ACTN2: variants seen among roughly 807,000 people sequenced by gnomAD.
ACTN2 encodes actinin alpha 2, also known as alpha-actinin-2.
Under a neutral mutation model 113.8 loss-of-function variants are expected in ACTN2, and 39 were observed. The observed-to-expected ratio is 0.34, with a 90% CI of 0.27 to 0.45. The LOEUF is 0.45. ACTN2 is among the 20% of genes least tolerant of loss of function. The pLI is 1.00. For synonymous variants in ACTN2, 429 were observed against 444.1 expected (o/e 0.97, Z 0.43); for missense variants, 992 against 1,177.9 (o/e 0.84, Z 2.31).
chr1:236,759,585 T>C, intron 18 of ACTN2, 139 bp from the exon 19 acceptor site: 1 of 733,994 alleles, frequency 1.4e-6, no homozygotes, highest in Non-Finnish European at 2.5e-6. Flanking sequence ...GCTCCATCCT[T>C]CTCGCAAGTC....
intron 2 of ACTN2, 140 bp from the exon 3 acceptor site, chr1:236,718,754 A>T: frequency 8.3e-7 from 1 of 1,201,780 alleles, no homozygotes; most frequent in Non-Finnish European, 1.2e-6. Flanking sequence ...GCTGTGATTT[A>T]GAGAGACCAG....
chr1:236,737,823 C>T (rs1658937157), intron 9 of ACTN2, among the ~76,000 whole-genome samples: 1 of 152,150 alleles, frequency 6.6e-6, no homozygotes, highest in Non-Finnish European at 1.5e-5. Context: ...GGTTGTTTTT[C>T]TTTTCGTTCT....
At chr1:236,749,704 G>T (rs1659339692) in intron 14 of ACTN2, among the ~76,000 whole-genome samples, 1 of 152,154 alleles carries the variant, frequency 6.6e-6, no homozygotes. Context: ...GGAAGGCTGA[G>T]GTGGGAGGAT....
chr1:236,696,576 A>G (rs1043185410), intron 1 of ACTN2, among the ~76,000 whole-genome samples: 1 of 152,126 alleles, frequency 6.6e-6, no homozygotes, highest in Non-Finnish European at 1.5e-5. Context: ...AGATAGAACG[A>G]TATGAAATAC....
At chr1:236,709,220 G>GTGTATATATA (rs1275373436) in intron 1 of ACTN2, among the ~76,000 whole-genome samples, 18 of 66,844 alleles carry the variant, frequency 2.7e-4, no homozygotes, top group African/African-American at 1.1e-3. Context: ...ACAAATGACT[G>GTGTATATATA]TATATATATA....
intron 13 of ACTN2, among the ~76,000 whole-genome samples, chr1:236,748,820 A>G (rs1659309528): frequency 6.6e-6 from 1 of 152,220 alleles, no homozygotes; most frequent in Non-Finnish European, 1.5e-5. Flanking sequence ...AGCTGAAAGC[A>G]AGTTACAGTA....
At chr1:236,755,696 C>A (rs1437957625) in intron 17 of ACTN2, among the ~76,000 whole-genome samples, 1 of 141,862 alleles carries the variant, frequency 7.0e-6, no homozygotes, top group Non-Finnish European at 1.5e-5. Flanking sequence ...CTGCAGAGGG[C>A]CCGCTGCCAC....
At chr1:236,753,855 A>ACCCCCC in intron 15 of ACTN2, 92 bp from the exon 16 acceptor site, 5 of 492,256 alleles carry the variant, frequency 1.0e-5, no homozygotes, top group East Asian at 8.2e-5. Flanking sequence ...CTCCACTCCC[A>ACCCCCC]CCCCCACCCC....
chr1:236,748,874 G>A (rs1240302735), intron 13 of ACTN2, among the ~76,000 whole-genome samples: 4 of 152,164 alleles, frequency 2.6e-5, no homozygotes, highest in African/African-American at 9.7e-5. Flanking sequence ...AGCATGTAGT[G>A]AAGTACTTTA....
chr1:236,718,071 G>A, intron 2 of ACTN2, 99 bp downstream of exon 2: 1 of 937,020 alleles, frequency 1.1e-6, no homozygotes, highest in Non-Finnish European at 1.7e-6. Context: ...GAACTTGGCT[G>A]GGCAAGAACA....
At chr1:236,719,093 T>C in intron 3 of ACTN2, 80 bp downstream of exon 3, 1 of 1,590,194 alleles carries the variant, frequency 6.3e-7, no homozygotes, top group Non-Finnish European at 8.6e-7. Flanking sequence ...ATTCTCCCCT[T>C]CTTCCCTCCC....
chr1:236,751,821 C>T (rs768953889), intron 15 of ACTN2, among the ~76,000 whole-genome samples, 169 bp downstream of exon 15: 19 of 152,054 alleles, frequency 1.2e-4, no homozygotes, highest in Non-Finnish European at 2.1e-4. Context: ...TCTTAAGGAC[C>T]CTTCAGCAGC....
intron 1 of ACTN2, among the ~76,000 whole-genome samples, chr1:236,701,848 A>G (rs1021486592): frequency 2.6e-5 from 4 of 152,222 alleles, no homozygotes; most frequent in Non-Finnish European, 5.9e-5. Flanking sequence ...TTACTGTGTG[A>G]TAAATCATGT....
At chr1:236,709,278 A>G (rs1657940153) in intron 1 of ACTN2, among the ~76,000 whole-genome samples, 1 of 137,668 alleles carries the variant, frequency 7.3e-6, no homozygotes, top group South Asian at 2.3e-4. Context: ...ACACATATAT[A>G]TGTATATATA....
chr1:236,749,891 T>C (rs1169958429), intron 14 of ACTN2, among the ~76,000 whole-genome samples: 1 of 152,180 alleles, frequency 6.6e-6, no homozygotes, highest in East Asian at 1.9e-4. Context: ...GAGTTATTCA[T>C]GAAAAAGTTG....
chr1:236,739,722 C>CTGCCACT (rs1300996987), intron 10 of ACTN2, among the ~76,000 whole-genome samples, 190 bp downstream of exon 10: 1 of 152,240 alleles, frequency 6.6e-6, no homozygotes, highest in Non-Finnish European at 1.5e-5. Flanking sequence ...TTGAATCCAG[C>CTGCCACT]TGCCACTGGG....
Position 236,762,489 on chromosome 1 carries a change from G to A in ACTN2, c.2555G>A (p.Arg852Gln), listed in dbSNP as rs727502888. The A allele has an allele frequency of 4.2e-5, 68 of 1,613,986 alleles. No individual in the cohort carries two copies. The highest frequency in any genetic ancestry group is 1.6e-4 in the Middle Eastern group (1 of 6,082). Residue 852 changes from arginine to glutamine, a missense_variant, in exon 21 of 21, where the codon CGG becomes CAG. Arg to Gln is a conservative substitution (Grantham distance 43, BLOSUM62 1). Transcript: ENST00000366578. ...TACATCCTGGCGGAGGAGCTGCGTC[G>A]GGAGCTGCCCCCGGATCAGGCCCAG... The part of the protein sequence containing the change: ...KPYILAEELR[R>Q]ELPPDQAQYC...
intron 19 of ACTN2, 146 bp from the exon 20 acceptor site, chr1:236,760,869 C>T (rs12071355): frequency 9.5e-7 from 1 of 1,058,190 alleles, no homozygotes; most frequent in African/African-American, 1.6e-5. Flanking sequence ...TAAGGGGAAT[C>T]TTGTCCAAAG....
At chr1:236,712,156 G>C (rs1026042600) in intron 1 of ACTN2, among the ~76,000 whole-genome samples, 25 of 152,276 alleles carry the variant, frequency 1.6e-4, no homozygotes, top group African/African-American at 6.0e-4. Context: ...TCAAATGTGT[G>C]GGGTTTTGTT....
Sources: gnomAD v4.1 joint callset for allele counts (sites outside exome capture counted in the v4.1 genomes callset) on GRCh38, gnomAD v4.1.1 for gene constraint, MANE v1.5 for transcripts, NCBI Gene and HGNC (gene_info 2026-07-23, HGNC 2026-07-21) for gene names.